NCALD: variants seen among roughly 807,000 people sequenced by gnomAD.
NCALD encodes the protein neurocalcin-delta.
In NCALD, 10 loss-of-function variants were observed where a neutral mutation model predicts 18.6. The ratio of observed to expected loss-of-function variants is 0.54; its 90% CI spans 0.33 to 0.91. NCALD has a LOEUF of 0.91. NCALD is among the 40% of genes least tolerant of loss of function. NCALD has a pLI of 0.03. For missense variants in NCALD, 184 were observed against 247.6 expected (o/e 0.74, Z 1.72); for synonymous variants, 88 against 87.4 (o/e 1.01, Z -0.04).
chr8:101,860,775 A>G (rs148010210), intron 4 of NCALD, among the ~76,000 whole-genome samples: 95 of 152,292 alleles, frequency 6.2e-4, no homozygotes, highest in African/African-American at 2.3e-3. Flanking sequence ...GAGGAGCTAA[A>G]TCATCATCTT....
chr8:101,818,620 T>A (rs1813596330), intron 4 of NCALD, among the ~76,000 whole-genome samples: 1 of 152,214 alleles, frequency 6.6e-6, no homozygotes, highest in Non-Finnish European at 1.5e-5. Flanking sequence ...CAAATTCCAG[T>A]GAACTAATAT....
intron 2 of NCALD, among the ~76,000 whole-genome samples, chr8:101,703,696 C>G (rs1375501093): frequency 6.6e-6 from 1 of 152,164 alleles, no homozygotes; most frequent in Non-Finnish European, 1.5e-5. Flanking sequence ...CTATGTGATA[C>G]CTGGTGGACT....
At chr8:101,943,390 G>C (rs893853875) in intron 2 of NCALD, among the ~76,000 whole-genome samples, 2 of 152,126 alleles carry the variant, frequency 1.3e-5, no homozygotes, top group African/African-American at 4.8e-5. Flanking sequence ...GGCTGATTAG[G>C]ACTAAAAAGG....
At chr8:101,692,755 C>T in intron 3 of NCALD, 36 bp downstream of exon 3, 1 of 1,566,432 alleles carries the variant, frequency 6.4e-7, no homozygotes, top group Non-Finnish European at 8.8e-7. Flanking sequence ...CCAGCAGCCC[C>T]CATCTGAGCA....
At chr8:101,956,186 C>T (rs1211828282) in intron 2 of NCALD, among the ~76,000 whole-genome samples, 1 of 152,068 alleles carries the variant, frequency 6.6e-6, no homozygotes, top group East Asian at 1.9e-4. Context: ...ATTGCTTATC[C>T]ACCCCCAAAG....
At chr8:101,920,823 G>A (rs1252076503) in intron 2 of NCALD, among the ~76,000 whole-genome samples, 1 of 152,114 alleles carries the variant, frequency 6.6e-6, no homozygotes, top group Non-Finnish European at 1.5e-5. Context: ...CCGAACCTCA[G>A]CATCATGCAA....
intron 1 of NCALD, among the ~76,000 whole-genome samples, chr8:102,021,380 T>C (rs1237268939): frequency 1.3e-5 from 2 of 152,178 alleles, no homozygotes; most frequent in African/African-American, 4.8e-5. Flanking sequence ...ATACCAATTA[T>C]AAAGAAAGAA....
chr8:101,863,411 C>G (rs1199817740), intron 4 of NCALD, among the ~76,000 whole-genome samples: 1 of 152,196 alleles, frequency 6.6e-6, no homozygotes, highest in Non-Finnish European at 1.5e-5. Context: ...GACTGTATCA[C>G]CTCTATCACC....
rs116877527 is a variant in NCALD at position 101,741,167 on chromosome 8, G to A, written c.-19-21519C>T. On this transcript the variant is annotated intron_variant, in intron 1 of 3. Coordinates refer to ENST00000220931, the MANE Select transcript of NCALD (RefSeq NM_032041.3). The stretch of plus-strand genomic sequence containing the variant: ...GGAGGCACCCGGAATTCTGCATCCT[G>A]TATCCCTGTGTACACACACAGTAAA... Among the ~76,000 whole-genome samples the A allele has an allele frequency of 5.2e-3, 793 of 151,610 alleles. 5 individuals are homozygous for A. Among genetic ancestry groups the A allele is most frequent in the Middle Eastern group, 0.02 (6 of 294 alleles).
chr8:102,053,057 A>C (rs917137816), intron 1 of NCALD, among the ~76,000 whole-genome samples: 1 of 152,224 alleles, frequency 6.6e-6, no homozygotes, highest in Non-Finnish European at 1.5e-5. Context: ...ACATATAAAC[A>C]GGAGCCAGAT....
At chr8:102,046,536 ACT>A (rs1483049697) in intron 1 of NCALD, among the ~76,000 whole-genome samples, 1 of 151,952 alleles carries the variant, frequency 6.6e-6, no homozygotes, top group Non-Finnish European at 1.5e-5. Flanking sequence ...ACATGGTCTC[ACT>A]CTGTCACTCA....
At chr8:101,870,275 A>G (rs1440594018) in intron 4 of NCALD, among the ~76,000 whole-genome samples, 4 of 152,228 alleles carry the variant, frequency 2.6e-5, no homozygotes, top group African/African-American at 9.6e-5. Context: ...CAGTGTTAGA[A>G]ACGAGTATTT....
intron 2 of NCALD, among the ~76,000 whole-genome samples, chr8:101,998,191 G>A (rs1364079184): frequency 6.6e-6 from 1 of 152,164 alleles, no homozygotes; most frequent in Non-Finnish European, 1.5e-5. Context: ...CAGAACTTCA[G>A]AACAGGCTAG....
intron 2 of NCALD, among the ~76,000 whole-genome samples, chr8:102,012,064 A>G (rs1821921864): frequency 1.3e-5 from 2 of 152,204 alleles, no homozygotes; most frequent in South Asian, 4.1e-4. Flanking sequence ...TAAAGTTTCA[A>G]TGGGACATTG....
intron 1 of NCALD, among the ~76,000 whole-genome samples, chr8:102,042,609 G>A (rs535830015): frequency 1.3e-4 from 20 of 151,908 alleles, no homozygotes; most frequent in Admixed American, 9.2e-4. Context: ...GTCACATCAG[G>A]TTATGTCTTG....
intron 2 of NCALD, among the ~76,000 whole-genome samples, chr8:101,974,284 ACTTTT>A (rs1820343444): frequency 6.6e-5 from 10 of 152,210 alleles, no homozygotes; most frequent in African/African-American, 2.4e-4. Flanking sequence ...TATTTGGAAG[ACTTTT>A]TAAATTTTAT....
At chr8:102,116,360 A>G (rs1374900300) in intron 1 of NCALD, among the ~76,000 whole-genome samples, 1 of 152,250 alleles carries the variant, frequency 6.6e-6, no homozygotes, top group Non-Finnish European at 1.5e-5. Flanking sequence ...ACCGTAACAG[A>G]GTCAGAGAAT....
At chr8:101,801,957 C>T (rs1812885087) in intron 4 of NCALD, among the ~76,000 whole-genome samples, 1 of 152,016 alleles carries the variant, frequency 6.6e-6, no homozygotes, top group Admixed American at 6.5e-5. Context: ...TGAACCACCG[C>T]GCCCGGCCAG....
At chr8:101,930,780 T>C (rs1818544337) in intron 2 of NCALD, among the ~76,000 whole-genome samples, 1 of 152,124 alleles carries the variant, frequency 6.6e-6, no homozygotes, top group Admixed American at 6.5e-5. Flanking sequence ...ATAGCAGCAT[T>C]CAAACCAATC....
Sources: gnomAD v4.1 joint callset for allele counts (sites outside exome capture counted in the v4.1 genomes callset) on GRCh38, gnomAD v4.1.1 for gene constraint, MANE v1.5 for transcripts, NCBI Gene and HGNC (gene_info 2026-07-23, HGNC 2026-07-21) for gene names.